Variants in FCRL2 observed in about 807,000 individuals in gnomAD.
FCRL2 encodes the protein Fc receptor like 2.
Under a neutral mutation model 59.8 loss-of-function variants are expected in FCRL2, and 48 were observed. The observed-to-expected ratio is 0.80, with a 90% CI of 0.64 to 1.02. The LOEUF is 1.02. Among genes scored for constraint, FCRL2 ranks in the 50% least tolerant of loss-of-function variants. The pLI, the probability that FCRL2 is intolerant of heterozygous loss-of-function variation, is 0.00. For missense variants in FCRL2, 658 were observed against 597.3 expected (o/e 1.10, Z -1.06); for synonymous variants, 251 against 229.5 (o/e 1.09, Z -0.85).
At chr1:157,757,107 T>C (rs1648647080) in intron 7 of FCRL2, among the ~76,000 whole-genome samples, 1 of 152,238 alleles carries the variant, frequency 6.6e-6, no homozygotes, top group Admixed American at 6.5e-5. Flanking sequence ...ACTTTTTCTC[T>C]ACCACTTGCA....
intron 7 of FCRL2, among the ~76,000 whole-genome samples, chr1:157,756,069 G>C (rs569207310): frequency 1.1e-3 from 168 of 152,304 alleles, no homozygotes; most frequent in Non-Finnish European, 2.1e-3. Flanking sequence ...GTTTATTTTA[G>C]TTTATTTTAG....
At chr1:157,757,324 T>C (rs186026625) in intron 7 of FCRL2, among the ~76,000 whole-genome samples, 2 of 152,258 alleles carry the variant, frequency 1.3e-5, no homozygotes, top group Admixed American at 1.3e-4. Flanking sequence ...ACAGAAGTAA[T>C]TAATTTTAAG....
rs772359785 is a variant in FCRL2 at position 157,766,851 on chromosome 1, C to T, written c.1279+4G>A. On this transcript the variant is annotated splice_donor_region_variant and intron_variant, in intron 7 of 11. Transcript: ENST00000361516. ...ATATGGAGAATCCAAATGGTAGATA[C>T]AACCTGATATCTTGTGGAACAAGGC... 10 of 1,613,950 alleles carry T rather than the reference C, an allele frequency of 6.2e-6. No individual in the cohort carries two copies. Among genetic ancestry groups the T allele is most frequent in the South Asian group, 5.5e-5 (5 of 91,080 alleles).
chr1:157,766,734 A>G (rs1649523082), intron 7 of FCRL2, 121 bp downstream of exon 7: 4 of 1,505,672 alleles, frequency 2.7e-6, no homozygotes, highest in African/African-American at 1.4e-5. Flanking sequence ...TATGAAGCAT[A>G]AAAAGAAATT....
chr1:157,760,714 AG>A (rs1648995916), intron 7 of FCRL2, among the ~76,000 whole-genome samples: 1 of 145,686 alleles, frequency 6.9e-6, no homozygotes, highest in African/African-American at 2.6e-5. Context: ...AAAGAAAGAA[AG>A]AAAGAAAGAA....
intron 9 of FCRL2, 83 bp from the exon 10 acceptor site, chr1:157,748,701 T>C: frequency 7.8e-7 from 1 of 1,284,074 alleles, no homozygotes; most frequent in Non-Finnish European, 1.1e-6. Flanking sequence ...CCTGGCTTAA[T>C]GATTATATCC....
intron 7 of FCRL2, among the ~76,000 whole-genome samples, chr1:157,757,210 T>C (rs560971406): frequency 1.3e-5 from 2 of 152,368 alleles, no homozygotes; most frequent in South Asian, 4.1e-4. Context: ...TTAGCACTTG[T>C]CCTTGCTTGG....
intron 7 of FCRL2, among the ~76,000 whole-genome samples, chr1:157,753,219 T>C: frequency 6.6e-6 from 1 of 152,146 alleles, no homozygotes; most frequent in South Asian, 2.1e-4. Context: ...TAATTACAAT[T>C]AAACTCAGTC....
chr1:157,768,335 T>A, intron 5 of FCRL2, 79 bp downstream of exon 5: 1 of 1,483,562 alleles, frequency 6.7e-7, no homozygotes, highest in Non-Finnish European at 9.2e-7. Flanking sequence ...TGGGGCCTCC[T>A]GAAATTTCCT....
At chr1:157,747,520 G>A (rs1647842888) in intron 10 of FCRL2, among the ~76,000 whole-genome samples, 1 of 152,134 alleles carries the variant, frequency 6.6e-6, no homozygotes, top group African/African-American at 2.4e-5. Context: ...CTCCCTATAG[G>A]AAGTTGAAGT....
rs1477617771 is a variant in FCRL2 at position 157,777,117 on chromosome 1, A to G, written c.-44T>C. 1.9e-6 allele frequency: 3 copies of G among 1,613,976 alleles called. No homozygotes were observed. Among genetic ancestry groups the G allele is most frequent in the Non-Finnish European group, 2.5e-6 (3 of 1,179,974 alleles). ...TTTGAAAAGAGATGTACTCTTGGTC[A>G]CCAACTGGAGACTCTGAGCAGGCGA... On this transcript the variant is annotated 5_prime_UTR_variant, in exon 1 of 12. Coordinates refer to ENST00000361516, the MANE Select transcript of FCRL2 (RefSeq NM_030764.4).
Position 157,769,906 on chromosome 1 carries a change from C to T in FCRL2, c.555G>A (p.Arg185=). Residue 185 remains arginine, a synonymous_variant, in exon 4 of 12, where the codon AGG becomes AGA. Coordinates refer to ENST00000361516, the MANE Select transcript of FCRL2 (RefSeq NM_030764.4). ...GGGATTGGAGGCTCTGTTTTCTGAT[C>T]CTGTGAGTCACCGTTTCTGCCTTGC... is the stretch of plus-strand genomic sequence containing the variant. ...YWCKAETVTH[R]IRKQSLQSQI... 1 of 1,614,146 alleles carries T rather than the reference C, an allele frequency of 6.2e-7. No homozygotes were observed. Among genetic ancestry groups the T allele is most frequent in the Non-Finnish European group, 8.5e-7 (1 of 1,180,016 alleles).
At chr1:157,763,574 G>T (rs897941164) in intron 7 of FCRL2, among the ~76,000 whole-genome samples, 4 of 152,166 alleles carry the variant, frequency 2.6e-5, no homozygotes, top group African/African-American at 9.6e-5. Flanking sequence ...CTCGCTGAAT[G>T]GGTATTAAAA....
At chr1:157,760,944 T>C (rs1291160819) in intron 7 of FCRL2, among the ~76,000 whole-genome samples, 1 of 152,150 alleles carries the variant, frequency 6.6e-6, no homozygotes, top group Non-Finnish European at 1.5e-5. Flanking sequence ...CTCTTGAACC[T>C]AAAATAAACG....
chr1:157,748,941 G>A lies in FCRL2; in HGVS notation c.1327C>T (p.Pro443Ser), dbSNP rs150008829. 1.2e-6 allele frequency: 2 copies of A among 1,613,956 alleles called. No individual in the cohort carries two copies. Among genetic ancestry groups the A allele is most frequent in the Non-Finnish European group, 8.5e-7 (1 of 1,179,928 alleles). ...GGGCTTGAATAGGTGAACTCTTGAG[G>A]ATTTGGCCTGGAAGCCCCTCTGTGA... ...NEPRGASRPN[P>S]QEFTYSSPTP... Residue 443 changes from proline to serine, a missense_variant, in exon 9 of 12, where the codon CCT becomes TCT. By Grantham distance (74) the Pro-to-Ser change is moderately conservative. Transcript: ENST00000361516.
intron 7 of FCRL2, among the ~76,000 whole-genome samples, chr1:157,762,465 T>C (rs905361672): frequency 6.6e-6 from 1 of 152,168 alleles, no homozygotes; most frequent in African/African-American, 2.4e-5. Context: ...TTTGGAAAAG[T>C]ATTCGAATTA....
intron 7 of FCRL2, among the ~76,000 whole-genome samples, chr1:157,759,011 T>C (rs1648818969): frequency 6.6e-6 from 1 of 152,194 alleles, no homozygotes; most frequent in Admixed American, 6.5e-5. Flanking sequence ...CCAAATCTCA[T>C]CTTGAATTGT....
chr1:157,751,442 A>G (rs1648176598), intron 7 of FCRL2, among the ~76,000 whole-genome samples: 1 of 152,244 alleles, frequency 6.6e-6, no homozygotes, highest in African/African-American at 2.4e-5. Flanking sequence ...GGAGGACAAT[A>G]TTAAGGCCAG....
At chr1:157,760,718 A>G (rs562049282) in intron 7 of FCRL2, among the ~76,000 whole-genome samples, 4 of 148,598 alleles carry the variant, frequency 2.7e-5, no homozygotes, top group Non-Finnish European at 5.9e-5. Flanking sequence ...AAAGAAAGAA[A>G]GAAAGAAAGA....
Sources: gnomAD v4.1 joint callset for allele counts (sites outside exome capture counted in the v4.1 genomes callset) on GRCh38, gnomAD v4.1.1 for gene constraint, MANE v1.5 for transcripts, NCBI Gene and HGNC (gene_info 2026-07-23, HGNC 2026-07-21) for gene names.